Variants in FGF14 observed in about 807,000 individuals in gnomAD.
FGF14 encodes the protein fibroblast growth factor 14.
A neutral mutation model predicts 25.5 loss-of-function variants in FGF14; 5 were observed. The ratio of observed to expected loss-of-function variants is 0.20; its 90% CI spans 0.10 to 0.41. The LOEUF (loss-of-function observed/expected upper bound fraction) is 0.41. Ranked by LOEUF, FGF14 falls within the 10% of genes least tolerant of loss-of-function variation. The pLI is 1.00. For synonymous variants in FGF14, 138 were observed against 118.3 expected, an observed-to-expected ratio of 1.17 and a Z score of -1.08; for missense variants, 222 against 320.1, an observed-to-expected ratio of 0.69 and a Z score of 2.34.
chr13:101,789,461 T>C (rs2040105171), intron 3 of FGF14, among the ~76,000 whole-genome samples: 1 of 152,178 alleles, frequency 6.6e-6, no homozygotes, highest in Non-Finnish European at 1.5e-5. Context: ...GTGACTCACC[T>C]GGAAAATCAT....
chr13:101,917,728 T>G (rs2033677466), upstream of FGF14, among the ~76,000 whole-genome samples: 1 of 151,804 alleles, frequency 6.6e-6, no homozygotes, highest in African/African-American at 2.4e-5. Flanking sequence ...GAAGGGTAGG[T>G]TTGTCATTTT....
intron 3 of FGF14, among the ~76,000 whole-genome samples, chr13:101,728,083 C>G (rs1193151682): frequency 6.6e-6 from 1 of 152,096 alleles, no homozygotes; most frequent in Non-Finnish European, 1.5e-5. Flanking sequence ...GACCTAATGT[C>G]ATGTAGAAAT....
intron 3 of FGF14, among the ~76,000 whole-genome samples, chr13:101,757,137 T>C (rs1288660484): frequency 2.0e-5 from 3 of 152,182 alleles, no homozygotes; most frequent in East Asian, 1.9e-4. Flanking sequence ...TTTCTTAAGG[T>C]TGACCTAAAC....
intron 1 of FGF14, among the ~76,000 whole-genome samples, chr13:102,235,332 A>T (rs1349724108): frequency 6.6e-6 from 1 of 152,210 alleles, no homozygotes; most frequent in Non-Finnish European, 1.5e-5. Context: ...TAATTCAGAG[A>T]TCTAATATCC....
chr13:102,229,296 AG>A (rs1180150903), intron 1 of FGF14, among the ~76,000 whole-genome samples: 1 of 152,224 alleles, frequency 6.6e-6, no homozygotes, highest in African/African-American at 2.4e-5. Context: ...ATGTTTACTT[AG>A]TACTTAAGAC....
intron 1 of FGF14, among the ~76,000 whole-genome samples, chr13:102,221,044 A>T (rs1024888298): frequency 6.6e-6 from 1 of 152,224 alleles, no homozygotes; most frequent in African/African-American, 2.4e-5. Flanking sequence ...AACATTCTTC[A>T]TGTTAGAAGG....
intron 3 of FGF14, among the ~76,000 whole-genome samples, chr13:101,777,807 C>T (rs145479286): frequency 5.4e-4 from 82 of 151,936 alleles, no homozygotes; most frequent in African/African-American, 1.0e-3. Flanking sequence ...ATTAAAAATG[C>T]GAAAAAATTA....
At chr13:101,972,309 A>G (rs999229562) in intron 1 of FGF14, among the ~76,000 whole-genome samples, 7 of 152,218 alleles carry the variant, frequency 4.6e-5, no homozygotes, top group African/African-American at 1.7e-4. Context: ...GTGAATGACT[A>G]CCTGACTCAG....
chr13:101,952,311 T>C (rs1451875796), intron 1 of FGF14, among the ~76,000 whole-genome samples: 2 of 152,170 alleles, frequency 1.3e-5, no homozygotes, highest in Non-Finnish European at 2.9e-5. Flanking sequence ...AGTTTCCCTT[T>C]GTTATACGGC....
chr13:102,208,847 G>A (rs565747200), intron 1 of FGF14, among the ~76,000 whole-genome samples: 1 of 152,278 alleles, frequency 6.6e-6, no homozygotes, highest in Admixed American at 6.5e-5. Context: ...GTTGAATATA[G>A]ATATTTCGTA....
intron 1 of FGF14, among the ~76,000 whole-genome samples, chr13:102,220,956 A>G (rs558515957): frequency 1.3e-5 from 2 of 152,322 alleles, no homozygotes; most frequent in East Asian, 3.9e-4. Flanking sequence ...GAAATGCACT[A>G]CACAGGGGTA....
At chr13:102,022,262 T>C (rs73565719) in intron 1 of FGF14, among the ~76,000 whole-genome samples, 4,818 of 152,114 alleles carry the variant, frequency 0.032, 245 homozygotes, top group African/African-American at 0.11. Context: ...GACAAGCAGG[T>C]ATCATACCTT....
chr13:102,056,143 T>G (rs541072261), intron 1 of FGF14, among the ~76,000 whole-genome samples: 6 of 152,342 alleles, frequency 3.9e-5, no homozygotes, highest in African/African-American at 1.4e-4. Flanking sequence ...CTATGCTCAT[T>G]CATTTATACA....
At chr13:101,968,673 C>CAAAA (rs11410391) in intron 1 of FGF14, among the ~76,000 whole-genome samples, 6 of 79,052 alleles carry the variant, frequency 7.6e-5, no homozygotes, top group African/African-American at 2.6e-4. Context: ...ACTCCGTCTC[C>CAAAA]AAAAAAAAAA....
At chr13:101,805,345 T>C (rs1369332729) in intron 3 of FGF14, among the ~76,000 whole-genome samples, 1 of 152,154 alleles carries the variant, frequency 6.6e-6, no homozygotes, top group Non-Finnish European at 1.5e-5. Flanking sequence ...TTATAGAAAT[T>C]TCTATTAATG....
chr13:101,988,947 A>G (rs1444008587), intron 1 of FGF14, among the ~76,000 whole-genome samples: 3 of 152,052 alleles, frequency 2.0e-5, no homozygotes, highest in African/African-American at 7.2e-5. Flanking sequence ...ATTTGTACCT[A>G]AAGACTTCAA....
At chr13:102,230,444 A>T (rs1366201586) in intron 1 of FGF14, among the ~76,000 whole-genome samples, 1 of 152,190 alleles carries the variant, frequency 6.6e-6, no homozygotes, top group Non-Finnish European at 1.5e-5. Context: ...AAGTAAAATA[A>T]AAGGGTCCTA....
At chr13:101,870,292 G>A (rs1159563787) in intron 2 of FGF14, among the ~76,000 whole-genome samples, 1 of 151,786 alleles carries the variant, frequency 6.6e-6, no homozygotes, top group Non-Finnish European at 1.5e-5. Context: ...CTCTTGTTTA[G>A]AACACCTGAA....
chr13:101,714,751 G>GA lies in FGF14; in HGVS notation c.*8079dup. On this transcript the variant is annotated 3_prime_UTR_variant, in exon 5 of 5. Coordinates refer to ENST00000376143, the MANE Select transcript of FGF14 (RefSeq NM_004115.4). ...TTCCTAGGCATAGAAGAATACAAGA[G>GA]AATGAAGCTAAATTTTGTGATTATT... 1.8e-6 allele frequency: 1 copy of GA among 550,736 alleles called. No individual in the cohort carries two copies. The highest frequency in any genetic ancestry group is 2.6e-5 in the South Asian group (1 of 38,482). The allele number at this position is 550,736 out of a possible 1,614,324, so 34.1% of individuals were successfully genotyped here.
Sources: gnomAD v4.1 joint callset for allele counts (sites outside exome capture counted in the v4.1 genomes callset) on GRCh38, gnomAD v4.1.1 for gene constraint, MANE v1.5 for transcripts, NCBI Gene and HGNC (gene_info 2026-07-23, HGNC 2026-07-21) for gene names.